The following KIF7 variants were observed in gnomAD, a reference collection of about 807,000 sequenced individuals.
KIF7 encodes the protein kinesin-like protein KIF7.
A neutral mutation model predicts 135.7 loss-of-function variants in KIF7; 104 were observed. That is an observed-to-expected ratio of 0.77 (90% CI 0.65 to 0.90). KIF7 has a LOEUF of 0.90. Ranked by LOEUF, KIF7 falls within the 40% of genes least tolerant of loss-of-function variation. KIF7 has a pLI of 0.00. For missense variants in KIF7, 2,005 were observed against 1,839.1 expected, an observed-to-expected ratio of 1.09 and a Z score of -1.65; for synonymous variants, 883 against 809.4, an observed-to-expected ratio of 1.09 and a Z score of -1.54.
intron 2 of KIF7, among the ~76,000 whole-genome samples, chr15:89,617,762 G>A (rs1036276334): frequency 6.6e-6 from 1 of 150,532 alleles, no homozygotes; most frequent in Non-Finnish European, 1.5e-5. Context: ...CGCGATCCTG[G>A]CTCACTGCAA....
rs1438018558 is a variant in KIF7 at position 89,630,415 on chromosome 15, T to C, written c.3190A>G (p.Thr1064Ala). The C allele has an allele frequency of 6.2e-7, 1 of 1,608,320 alleles. No individual in the cohort carries two copies. The highest frequency in any genetic ancestry group is 2.2e-5 in the East Asian group (1 of 44,758). Residue 1064 changes from threonine (T) to alanine (A), a missense_variant, in exon 16 of 19, where the codon ACA becomes GCA. Physicochemically the swap from Thr to Ala is moderately conservative, Grantham distance 58. Coordinates refer to ENST00000394412, the MANE Select transcript of KIF7 (RefSeq NM_198525.3). ...AAIEYKNEAI[T>A]CRQRVLRASA... Reference sequence around the variant, plus strand: ...GCCCGAAGCACCCGCTGGCGGCATGTGATGGCCTCATTCTTATACTCAATG... The same window carrying C: ...GCCCGAAGCACCCGCTGGCGGCATGCGATGGCCTCATTCTTATACTCAATG...
Position 89,642,246 on chromosome 15 carries a change from TGGAGCC to T in KIF7, c.2345_2350del (p.Arg782_Leu783del). The stretch of plus-strand genomic sequence containing the variant: ...CGCAGCGACCCTCCTGCGGAACTCC[TGGAGCC>T]GAGACCGCTCGCCAGCATCCTGGAG... On this transcript the variant is annotated inframe_deletion, in exon 11 of 19. Transcript: ENST00000394412. The T allele has an allele frequency of 1.2e-6, 2 of 1,610,526 alleles. No homozygotes were observed. The highest frequency in any genetic ancestry group is 1.7e-6 in the Non-Finnish European group (2 of 1,179,736).
chr15:89,633,006 A>G lies in KIF7; in HGVS notation c.2719-10T>C, dbSNP rs752594428. Reference sequence around the variant, plus strand: ...TCTGCTCCTCAATCTTCTAAGGAAAAGTAGGGAGGGAGGGAGGGAACTCAG... The same window carrying G: ...TCTGCTCCTCAATCTTCTAAGGAAAGGTAGGGAGGGAGGGAGGGAACTCAG... On this transcript the variant is annotated splice_polypyrimidine_tract_variant and intron_variant, in intron 13 of 18. Transcript: ENST00000394412. 3 of 339,388 alleles carry G rather than the reference A, an allele frequency of 8.8e-6. No individual in the cohort carries two copies. Among genetic ancestry groups the G allele is most frequent in the East Asian group, 1.4e-4 (2 of 14,396 alleles). 21.0% of individuals were successfully genotyped at this position (339,388 alleles called of 1,614,324 possible). A position where few individuals can be genotyped will look rare whatever the true frequency, so the allele number is the denominator to read the frequency against.
chr15:89,650,550 T>C (rs11073883), intron 2 of KIF7, among the ~76,000 whole-genome samples: 39,981 of 152,016 alleles, frequency 0.26, 5,880 homozygotes, highest in East Asian at 0.35. Flanking sequence ...TCTGCCACCA[T>C]GCCCAGCTAA....
chr15:89,635,693 A>G (rs1963791498), intron 11 of KIF7, among the ~76,000 whole-genome samples: 1 of 152,222 alleles, frequency 6.6e-6, no homozygotes, highest in Non-Finnish European at 1.5e-5. Context: ...GACCAAATCT[A>G]CATTTGACTG....
At chr15:89,629,174 C>G in intron 17 of KIF7, 52 bp from the exon 18 acceptor site, 1 of 1,227,276 alleles carries the variant, frequency 8.1e-7, no homozygotes, top group Non-Finnish European at 1.1e-6. Context: ...GCGGGGCAGG[C>G]GGCCAGGGCT....
At position 89,628,795 on chromosome 15, in the gene KIF7, G is replaced by GAGAGT. The variant is rs761932434; in HGVS notation, c.3665-14_3665-10dup. The GAGAGT allele has an allele frequency of 1.9e-6, 3 of 1,611,562 alleles. No homozygotes were observed. The highest frequency in any genetic ancestry group is 2.5e-6 in the Non-Finnish European group (3 of 1,179,998). On this transcript the variant is annotated splice_polypyrimidine_tract_variant and intron_variant, in intron 18 of 18. Coordinates refer to ENST00000394412, the MANE Select transcript of KIF7 (RefSeq NM_198525.3). ...GCTCCTCTTCTCCCCACCTGTCATG[G>GAGAGT]AGAGTAACGTGTCCTCATCAGAAAC...
chr15:89,638,477 A>T (rs1963855687), intron 11 of KIF7, among the ~76,000 whole-genome samples: 2 of 151,526 alleles, frequency 1.3e-5, no homozygotes, highest in African/African-American at 4.9e-5. Flanking sequence ...AATGTACAAA[A>T]ATCACAAGCA....
Position 89,630,376 on chromosome 15 carries a change from G to C in KIF7, c.3229C>G (p.Leu1077Val), listed in dbSNP as rs1366514608. Reference sequence around the variant, plus strand: ...ATGAGGTTCATCTCGCACTGGGACAGCAACGAGGCTGAGGCCCGAAGCACC... The same window carrying C: ...ATGAGGTTCATCTCGCACTGGGACACCAACGAGGCTGAGGCCCGAAGCACC... ...QRVLRASASL[L>V]SQCEMNLMAK... The change falls in exon 16 of 19, where the codon CTG becomes GTG. Residue 1077 changes from leucine to valine, a missense_variant. Physicochemically the swap from Leu to Val is conservative, Grantham distance 32. Transcript: ENST00000394412. 6.2e-7 allele frequency: 1 copy of C among 1,614,094 alleles called. No homozygotes were observed. The highest frequency in any genetic ancestry group is 1.1e-5 in the South Asian group (1 of 91,042).
chr15:89,626,993 C>T (rs1963540797), downstream of KIF7: 1 of 1,614,120 alleles, frequency 6.2e-7, no homozygotes. Context: ...CTGTAGAAGA[C>T]TCTCCTTTCA....
chr15:89,619,071 A>C (rs1449686504), intron 1 of KIF7, among the ~76,000 whole-genome samples: 1 of 152,244 alleles, frequency 6.6e-6, no homozygotes, highest in Non-Finnish European at 1.5e-5. Flanking sequence ...ACATGAAGCC[A>C]AAAATTTTAA....
chr15:89,650,990 G>A (rs567208665), intron 2 of KIF7, among the ~76,000 whole-genome samples: 1 of 152,254 alleles, frequency 6.6e-6, no homozygotes, highest in South Asian at 2.1e-4. Flanking sequence ...GGAATGCAGT[G>A]AAGCAATCTT....
At chr15:89,629,297 G>A in intron 17 of KIF7, 78 bp downstream of exon 17, 1 of 1,171,604 alleles carries the variant, frequency 8.5e-7, no homozygotes, top group Non-Finnish European at 1.1e-6. Context: ...GGGGAGGGAG[G>A]GGGGTGCAGG....
intron 11 of KIF7, among the ~76,000 whole-genome samples, chr15:89,636,097 G>A (rs1567061238): frequency 1.3e-5 from 2 of 152,082 alleles, no homozygotes; most frequent in Non-Finnish European, 2.9e-5. Flanking sequence ...AAGTGAAGGA[G>A]AAATAAAATA....
Position 89,628,181 on chromosome 15 carries a change from G to A in KIF7, c.*238C>T, listed in dbSNP as rs555507825. On this transcript the variant is annotated 3_prime_UTR_variant, in exon 19 of 19. Coordinates refer to ENST00000394412, the MANE Select transcript of KIF7 (RefSeq NM_198525.3). The stretch of plus-strand genomic sequence containing the variant: ...CTGAGATTCGAGCAAGACACAAGGC[G>A]GCAATTGGGTACCACAGCTTCATGG... The A allele has an allele frequency of 8.6e-4, 413 of 482,882 alleles. 4 individuals are homozygous for A. The highest frequency in any genetic ancestry group is 2.7e-4 in the South Asian group (6 of 22,202). 29.9% of individuals were successfully genotyped at this position (482,882 alleles called of 1,614,324 possible). A position where few individuals can be genotyped will look rare whatever the true frequency, so the allele number is the denominator to read the frequency against.
downstream of KIF7, chr15:89,623,883 G>C (rs763490199): frequency 6.2e-7 from 1 of 1,613,898 alleles, no homozygotes; most frequent in South Asian, 1.1e-5. Flanking sequence ...TTGAAACGAA[G>C]ACACCAAGAA....
intron 1 of KIF7, among the ~76,000 whole-genome samples, chr15:89,622,846 G>A (rs994970336): frequency 2.0e-5 from 3 of 152,206 alleles, no homozygotes; most frequent in South Asian, 4.1e-4. Context: ...TTCCCCTGCC[G>A]ACACCCAAGC....
intron 11 of KIF7, among the ~76,000 whole-genome samples, chr15:89,639,071 G>A (rs1202283051): frequency 2.0e-5 from 3 of 152,004 alleles, no homozygotes; most frequent in Admixed American, 1.3e-4. Context: ...ATGGTGCTGG[G>A]AAAACTGGCT....
chr15:89,618,998 G>T (rs979898278), intron 1 of KIF7, among the ~76,000 whole-genome samples: 11 of 144,902 alleles, frequency 7.6e-5, no homozygotes, highest in African/African-American at 2.8e-4. Context: ...TGAAGGAGGG[G>T]TTTTAAAAAA....
Sources: allele counts gnomAD v4.1 joint callset (sites outside exome capture counted in the v4.1 genomes callset), GRCh38; gene constraint gnomAD v4.1.1; transcripts MANE v1.5; gene names NCBI Gene and HGNC (gene_info 2026-07-23, HGNC 2026-07-21).